MCC: variants seen among roughly 807,000 people sequenced by gnomAD.
MCC encodes MCC regulator of Wnt signaling pathway.
MCC carries 90 observed loss-of-function variants against 116.2 expected under a neutral mutation model. That is an observed-to-expected ratio of 0.77 (90% CI 0.65 to 0.92). The LOEUF is 0.92. Ranked by LOEUF, MCC falls within the 40% of genes least tolerant of loss-of-function variation. The probability of loss-of-function intolerance (pLI) is 0.00; values close to 1 mark genes in which losing one functional copy is unlikely to be tolerated. For synonymous variants in MCC, 578 were observed against 510.5 expected (o/e 1.13, Z -1.78); for missense variants, 1,516 against 1,312.2 (o/e 1.16, Z -2.40).
intron 3 of MCC, among the ~76,000 whole-genome samples, chr5:113,179,809 T>C (rs1761520196): frequency 6.6e-6 from 1 of 152,172 alleles, no homozygotes; most frequent in South Asian, 2.1e-4. Flanking sequence ...AGGCCTGCCG[T>C]GTTTACAAGA....
intron 8 of MCC, among the ~76,000 whole-genome samples, chr5:113,091,057 C>T (rs148881450): frequency 1.1e-4 from 16 of 152,278 alleles, no homozygotes; most frequent in East Asian, 5.8e-4. Context: ...CTCTGCCTCA[C>T]GCCTGGAGCC....
intron 3 of MCC, among the ~76,000 whole-genome samples, chr5:113,185,073 G>A (rs183703751): frequency 5.3e-5 from 8 of 152,162 alleles, no homozygotes; most frequent in East Asian, 1.9e-4. Flanking sequence ...ACCACACCAC[G>A]TTAGGCCACT....
intron 3 of MCC, among the ~76,000 whole-genome samples, chr5:113,225,885 G>A (rs551593324): frequency 6.6e-6 from 1 of 152,268 alleles, no homozygotes; most frequent in African/African-American, 2.4e-5. Context: ...CACAAGAAAC[G>A]TCTTGGGCCA....
intron 17 of MCC, among the ~76,000 whole-genome samples, chr5:113,031,744 A>AGG (rs1750969786): frequency 6.6e-6 from 1 of 152,062 alleles, no homozygotes; most frequent in Admixed American, 6.6e-5. Flanking sequence ...CCCTTCCACA[A>AGG]GACAAAACGC....
In MCC at chr5:113,064,071, T is replaced by G. The variant is rs1406952915; in HGVS notation, c.2126A>C (p.Lys709Thr). 6.2e-7 allele frequency: 1 copy of G among 1,614,228 alleles called. No homozygotes were observed. The highest frequency in any genetic ancestry group is 8.5e-7 in the Non-Finnish European group (1 of 1,180,040). The change falls in exon 14 of 19, where the codon AAG (lysine) becomes ACG (threonine). Residue 709 changes from lysine to threonine, a missense_variant. Transcript: ENST00000408903. ...AENAAKALLM[K>T]LDGSCGGAFA... ...GGCTCCCCCACAGCTGCCGTCCAGC[T>G]TCATGAGCAGGGCCTTGGCAGCGTT... is the stretch of plus-strand genomic sequence containing the variant.
chr5:113,042,443 C>A (rs1267448729), intron 17 of MCC, among the ~76,000 whole-genome samples: 2 of 140,424 alleles, frequency 1.4e-5, no homozygotes, highest in Non-Finnish European at 3.0e-5. Flanking sequence ...TCACTGCACT[C>A]CAGCCTGGGC....
chr5:113,038,934 A>G (rs1019264002), intron 17 of MCC, among the ~76,000 whole-genome samples: 1 of 152,214 alleles, frequency 6.6e-6, no homozygotes, highest in Non-Finnish European at 1.5e-5. Context: ...ACGCAGACAC[A>G]GATGGCATAT....
intron 11 of MCC, among the ~76,000 whole-genome samples, chr5:113,077,137 G>T (rs1489573990): frequency 1.3e-5 from 2 of 152,078 alleles, no homozygotes; most frequent in African/African-American, 2.4e-5. Context: ...CCCAATACAG[G>T]AGCACCCAGA....
At chr5:113,472,779 T>C (rs950258577) in intron 1 of MCC, among the ~76,000 whole-genome samples, 3 of 152,250 alleles carry the variant, frequency 2.0e-5, no homozygotes, top group Admixed American at 6.5e-5. Context: ...ATTTCACAGA[T>C]GCTAATTCTG....
intron 6 of MCC, among the ~76,000 whole-genome samples, chr5:113,115,534 A>C (rs1001152485): frequency 1.3e-5 from 2 of 152,164 alleles, no homozygotes; most frequent in Non-Finnish European, 2.9e-5. Flanking sequence ...ATAACCTAAC[A>C]TCAACTCCAG....
At chr5:113,246,353 G>C (rs935547544) in intron 3 of MCC, among the ~76,000 whole-genome samples, 1 of 152,146 alleles carries the variant, frequency 6.6e-6, no homozygotes, top group African/African-American at 2.4e-5. Context: ...AATTTCTCGT[G>C]AAGTCTCATC....
intron 6 of MCC, among the ~76,000 whole-genome samples, chr5:113,121,854 C>T (rs545824775): frequency 6.6e-6 from 1 of 150,916 alleles, no homozygotes; most frequent in South Asian, 2.1e-4. Flanking sequence ...GACTCCACAC[C>T]CTTCAACCAC....
chr5:113,393,438 C>T (rs950382367), intron 1 of MCC, among the ~76,000 whole-genome samples: 3 of 152,108 alleles, frequency 2.0e-5, no homozygotes, highest in African/African-American at 7.2e-5. Context: ...TGGAGTTAAT[C>T]AAATTAGATG....
intron 18 of MCC, 69 bp from the exon 19 acceptor site, chr5:113,027,551 A>ACTAGAT: frequency 7.1e-7 from 1 of 1,399,678 alleles, no homozygotes; most frequent in African/African-American, 1.4e-5. Context: ...CATCCTGTCC[A>ACTAGAT]CTGGATAACC....
At chr5:113,196,341 G>A (rs778820028) in intron 3 of MCC, among the ~76,000 whole-genome samples, 9 of 152,172 alleles carry the variant, frequency 5.9e-5, no homozygotes, top group Non-Finnish European at 1.3e-4. Context: ...ATGGAAGTGG[G>A]TGAAGTGAGC....
At chr5:113,112,126 G>A (rs546846600) in intron 6 of MCC, among the ~76,000 whole-genome samples, 3 of 152,292 alleles carry the variant, frequency 2.0e-5, no homozygotes, top group African/African-American at 7.2e-5. Context: ...CCAAAGTATG[G>A]TCCCAGCTTC....
chr5:113,239,427 G>C (rs1372026275), intron 3 of MCC, among the ~76,000 whole-genome samples: 1 of 152,134 alleles, frequency 6.6e-6, no homozygotes, highest in African/African-American at 2.4e-5. Flanking sequence ...GCATGCAGCA[G>C]AGTTCTCAAA....
intron 3 of MCC, among the ~76,000 whole-genome samples, chr5:113,171,286 T>C (rs1295211722): frequency 6.6e-6 from 1 of 151,432 alleles, no homozygotes; most frequent in Non-Finnish European, 1.5e-5. Flanking sequence ...CCCCAAAATG[T>C]ATTAAGCTTC....
chr5:113,282,799 G>T (rs1028911001), intron 3 of MCC, among the ~76,000 whole-genome samples: 6 of 152,082 alleles, frequency 3.9e-5, no homozygotes, highest in African/African-American at 1.4e-4. Context: ...GTTTAATCAC[G>T]ATTAGAGTCA....
Sources: gnomAD v4.1 joint callset for allele counts (sites outside exome capture counted in the v4.1 genomes callset) on GRCh38, gnomAD v4.1.1 for gene constraint, MANE v1.5 for transcripts, NCBI Gene and HGNC (gene_info 2026-07-23, HGNC 2026-07-21) for gene names.